Variants in ARHGEF7 observed in about 807,000 individuals in gnomAD.
The protein encoded by ARHGEF7 is PAK-interacting exchange factor beta.
In ARHGEF7, 33 loss-of-function variants were observed where a neutral mutation model predicts 109.8. The observed-to-expected ratio is 0.30, with a 90% CI of 0.23 to 0.40. The LOEUF (loss-of-function observed/expected upper bound fraction) is 0.40, where lower values mean the gene tolerates loss of function less well. Among genes scored for constraint, ARHGEF7 ranks in the 10% least tolerant of loss-of-function variants. The pLI is 1.00. For missense variants in ARHGEF7, 938 were observed against 1,098.5 expected, an observed-to-expected ratio of 0.85 and a Z score of 2.07; for synonymous variants, 458 against 424.6, an observed-to-expected ratio of 1.08 and a Z score of -0.97.
At chr13:111,218,626 G>C (rs1011673507) in intron 5 of ARHGEF7, among the ~76,000 whole-genome samples, 5 of 152,090 alleles carry the variant, frequency 3.3e-5, no homozygotes, top group African/African-American at 1.2e-4. Flanking sequence ...TGATACACAG[G>C]GAGCTGTGGA....
intron 2 of ARHGEF7, among the ~76,000 whole-genome samples, chr13:111,188,889 G>A (rs539529537): frequency 6.6e-6 from 1 of 152,256 alleles, no homozygotes; most frequent in South Asian, 2.1e-4. Context: ...AGTTCTGTTG[G>A]GGAAATTATG....
chr13:111,288,290 C>T (rs2093113169), intron 17 of ARHGEF7, 64 bp from the exon 18 acceptor site: 15 of 1,063,050 alleles, frequency 1.4e-5, no homozygotes, highest in East Asian at 7.3e-5. Flanking sequence ...GCATTGCATT[C>T]GTCTCGCCAG....
chr13:111,181,353 C>T (rs979806815), intron 2 of ARHGEF7, among the ~76,000 whole-genome samples: 3 of 152,112 alleles, frequency 2.0e-5, no homozygotes, highest in African/African-American at 7.2e-5. Flanking sequence ...CTACTTTTGT[C>T]TTGTTTATGG....
intron 2 of ARHGEF7, among the ~76,000 whole-genome samples, chr13:111,195,379 GA>G (rs1481311848): frequency 6.6e-6 from 1 of 152,238 alleles, no homozygotes; most frequent in Non-Finnish European, 1.5e-5. Flanking sequence ...AAAGGCAAGT[GA>G]AAAGAGCAAA....
intron 19 of ARHGEF7, chr13:111,294,971 T>G: frequency 1.0e-6 from 1 of 985,692 alleles, no homozygotes; most frequent in Non-Finnish European, 1.2e-6. Context: ...GTATAAGATC[T>G]TGAAAAAAAT....
chr13:111,275,509 C>CA, intron 11 of ARHGEF7, 23 bp from the exon 12 acceptor site: 1 of 1,612,676 alleles, frequency 6.2e-7, no homozygotes, highest in Non-Finnish European at 8.5e-7. Flanking sequence ...TGTCTGTTAA[C>CA]AGTGTTGTTC....
chr13:111,115,788 A>T, intron 1 of ARHGEF7, 97 bp downstream of exon 1: 1 of 550,888 alleles, frequency 1.8e-6, no homozygotes, highest in East Asian at 1.1e-4. Context: ...CGCTCGGGAA[A>T]CCCGTGCGCC....
intron 2 of ARHGEF7, among the ~76,000 whole-genome samples, chr13:111,171,947 C>G (rs2077635367): frequency 6.6e-6 from 1 of 152,192 alleles, no homozygotes; most frequent in South Asian, 2.1e-4. Flanking sequence ...TCACCAAATA[C>G]TGAATCAGTC....
chr13:111,148,868 AC>A (rs1461592437), intron 1 of ARHGEF7, among the ~76,000 whole-genome samples: 1 of 152,258 alleles, frequency 6.6e-6, no homozygotes, highest in African/African-American at 2.4e-5. Flanking sequence ...TTTTTAACTT[AC>A]GAGAGACCAT....
At chr13:111,165,574 T>C (rs1379793297) in intron 2 of ARHGEF7, among the ~76,000 whole-genome samples, 1 of 152,202 alleles carries the variant, frequency 6.6e-6, no homozygotes, top group Non-Finnish European at 1.5e-5. Context: ...GAACAAGCGT[T>C]CTGGTTTGTT....
At chr13:111,283,384 A>C (rs773432358) in intron 16 of ARHGEF7, 21 bp downstream of exon 16, 1 of 1,537,524 alleles carries the variant, frequency 6.5e-7, no homozygotes, top group Non-Finnish European at 8.7e-7. Flanking sequence ...TTGACCACTC[A>C]AACAGCCAGA....
chr13:111,246,276 A>G (rs565462609), intron 8 of ARHGEF7, among the ~76,000 whole-genome samples: 13 of 152,282 alleles, frequency 8.5e-5, no homozygotes, highest in Admixed American at 4.6e-4. Flanking sequence ...ATCTTTATTC[A>G]TATAACCCCC....
At chr13:111,153,792 C>G (rs1056598062) in intron 1 of ARHGEF7, 113 bp from the exon 2 acceptor site, 64 of 1,390,226 alleles carry the variant, frequency 4.6e-5, no homozygotes, top group Non-Finnish European at 3.0e-5. Flanking sequence ...TCGGGGGCCG[C>G]TCGCCAGCGT....
intron 1 of ARHGEF7, 152 bp from the exon 2 acceptor site, chr13:111,153,753 A>G: frequency 1.5e-6 from 2 of 1,346,932 alleles, no homozygotes; most frequent in Non-Finnish European, 1.9e-6. Flanking sequence ...GCGGGTTGGC[A>G]TCTGGGGCAG....
intron 18 of ARHGEF7, 49 bp from the exon 19 acceptor site, chr13:111,292,069 C>T: frequency 2.0e-6 from 3 of 1,536,130 alleles, no homozygotes; most frequent in African/African-American, 2.7e-5. Flanking sequence ...TGTCGTTCTC[C>T]TCCTCACCCC....
At chr13:111,271,085 A>C (rs1048323055) in intron 9 of ARHGEF7, among the ~76,000 whole-genome samples, 11 of 152,216 alleles carry the variant, frequency 7.2e-5, no homozygotes, top group East Asian at 3.9e-4. Flanking sequence ...AGTGGCCTTC[A>C]TGCAGGCCGT....
chr13:111,156,946 T>C (rs1032967976), intron 2 of ARHGEF7, among the ~76,000 whole-genome samples: 2 of 152,242 alleles, frequency 1.3e-5, no homozygotes, highest in African/African-American at 4.8e-5. Context: ...TTTTGGTGTA[T>C]ATATTCTTAT....
chr13:111,186,681 A>G (rs922991581), intron 2 of ARHGEF7: 2 of 346,742 alleles, frequency 5.8e-6, no homozygotes, highest in South Asian at 1.2e-4. Context: ...TAAACTTTGC[A>G]AACCACACTC....
intron 2 of ARHGEF7, among the ~76,000 whole-genome samples, chr13:111,173,799 G>A (rs2076096674): frequency 1.3e-5 from 2 of 152,172 alleles, no homozygotes; most frequent in African/African-American, 4.8e-5. Context: ...AGGGTTGGGA[G>A]GTCAGGGGGT....
Sources: allele counts gnomAD v4.1 joint callset (sites outside exome capture counted in the v4.1 genomes callset), GRCh38; gene constraint gnomAD v4.1.1; transcripts MANE v1.5; gene names NCBI Gene and HGNC (gene_info 2026-07-23, HGNC 2026-07-21).